KLHL29: variants seen among roughly 807,000 people sequenced by gnomAD.
KLHL29 encodes the protein kelch like family member 29, also known as kelch-like protein 29.
KLHL29 carries 21 observed loss-of-function variants against 80.4 expected under a neutral mutation model. That is an observed-to-expected ratio of 0.26 (90% CI 0.19 to 0.38). The LOEUF (loss-of-function observed/expected upper bound fraction) is 0.38, where lower values mean the gene tolerates loss of function less well. KLHL29 is among the 10% of genes least tolerant of loss of function. The pLI, the probability that KLHL29 is intolerant of heterozygous loss-of-function variation, is 1.00. For synonymous variants in KLHL29, 511 were observed against 526.8 expected (o/e 0.97, Z 0.41); for missense variants, 867 against 1,223.9 (o/e 0.71, Z 4.35).
intron 3 of KLHL29, among the ~76,000 whole-genome samples, chr2:23,583,027 G>A (rs1572416534): frequency 1.3e-5 from 2 of 152,160 alleles, no homozygotes; most frequent in East Asian, 1.9e-4. Flanking sequence ...ACGTGAAGAC[G>A]GAGCAGAGAT....
At position 23,487,667 on chromosome 2, in the gene KLHL29, C is replaced by T. The variant is rs572115456; in HGVS notation, c.-46+12000C>T. Among the ~76,000 whole-genome samples the T allele has an allele frequency of 7.2e-4, 110 of 152,308 alleles. 1 individual carries two copies. Among genetic ancestry groups the T allele is most frequent in the African/African-American group, 2.6e-3 (107 of 41,576 alleles). Reference sequence around the variant, plus strand: ...GGTCCTCAGGGGTGTCCCACTCCCCCTGCTAAAAGGCTGCATTCTTTTTTC... The same window carrying T: ...GGTCCTCAGGGGTGTCCCACTCCCCTTGCTAAAAGGCTGCATTCTTTTTTC... On this transcript the variant is annotated intron_variant, in intron 2 of 13. Transcript: ENST00000486442.
At chr2:23,443,741 G>A (rs1663597687) in intron 1 of KLHL29, among the ~76,000 whole-genome samples, 2 of 152,218 alleles carry the variant, frequency 1.3e-5, no homozygotes, top group African/African-American at 4.8e-5. Flanking sequence ...AGCACATAAT[G>A]TCAGGTGTCC....
At chr2:23,663,502 C>A (rs753792927) in intron 5 of KLHL29, among the ~76,000 whole-genome samples, 4 of 152,220 alleles carry the variant, frequency 2.6e-5, no homozygotes, top group Non-Finnish European at 4.4e-5. Context: ...CTGCGAGCGC[C>A]TATTTGCATA....
At chr2:23,481,204 T>C (rs1462320068) in intron 2 of KLHL29, among the ~76,000 whole-genome samples, 1 of 152,152 alleles carries the variant, frequency 6.6e-6, no homozygotes, top group Non-Finnish European at 1.5e-5. Flanking sequence ...TTCTGATGGG[T>C]GTGGCCAAGG....
intron 2 of KLHL29, among the ~76,000 whole-genome samples, chr2:23,526,663 C>T (rs1430561309): frequency 1.3e-5 from 2 of 152,174 alleles, no homozygotes; most frequent in Non-Finnish European, 2.9e-5. Context: ...CAGAGCAGCA[C>T]CTTTGTGGCC....
At chr2:23,629,018 C>T (rs577601453) in intron 3 of KLHL29, among the ~76,000 whole-genome samples, 4 of 152,346 alleles carry the variant, frequency 2.6e-5, no homozygotes, top group African/African-American at 7.2e-5. Context: ...GAGAGGGTCA[C>T]CGTGCTCAGG....
At chr2:23,412,862 C>T (rs2103396261) in intron 1 of KLHL29, among the ~76,000 whole-genome samples, 1 of 152,258 alleles carries the variant, frequency 6.6e-6, no homozygotes, top group Non-Finnish European at 1.5e-5. Context: ...ATGGCTGGTT[C>T]AGCAGCGCAG....
chr2:23,418,911 A>G (rs1662691687), intron 1 of KLHL29, among the ~76,000 whole-genome samples: 1 of 152,120 alleles, frequency 6.6e-6, no homozygotes, highest in African/African-American at 2.4e-5. Context: ...GGCTTGACTT[A>G]TTGGCACATG....
chr2:23,447,651 G>A (rs72776756), intron 1 of KLHL29, among the ~76,000 whole-genome samples: 3,947 of 152,156 alleles, frequency 0.026, 70 homozygotes, highest in Non-Finnish European at 0.036. Context: ...TGTCTAAACC[G>A]TTATTGTGTC....
At chr2:23,570,423 C>T (rs555885831) in intron 3 of KLHL29, among the ~76,000 whole-genome samples, 2 of 152,366 alleles carry the variant, frequency 1.3e-5, no homozygotes, top group Admixed American at 6.5e-5. Flanking sequence ...CTGTTCGTTG[C>T]AGTCCCTTAA....
chr2:23,534,847 A>G (rs1666616315), intron 2 of KLHL29, among the ~76,000 whole-genome samples: 1 of 152,226 alleles, frequency 6.6e-6, no homozygotes. Flanking sequence ...AGCTGAGGGC[A>G]TCTTGGATTT....
chr2:23,667,794 G>A (rs1247915334), intron 5 of KLHL29: 1 of 152,458 alleles, frequency 6.6e-6, no homozygotes, highest in African/African-American at 2.4e-5. Flanking sequence ...TCTCCTTCGA[G>A]GTGACTTCCA....
chr2:23,699,401 G>T (rs932556195), intron 11 of KLHL29, among the ~76,000 whole-genome samples: 1 of 152,202 alleles, frequency 6.6e-6, no homozygotes, highest in Non-Finnish European at 1.5e-5. Flanking sequence ...TCCCCTGCTG[G>T]GAGGGCCTAA....
At chr2:23,665,414 A>G (rs1407572781) in intron 5 of KLHL29, among the ~76,000 whole-genome samples, 1 of 152,140 alleles carries the variant, frequency 6.6e-6, no homozygotes, top group East Asian at 1.9e-4. Flanking sequence ...TTCAAATTCC[A>G]TCATGGCCTG....
chr2:23,608,838 CTG>C (rs933519082), intron 3 of KLHL29, among the ~76,000 whole-genome samples: 3 of 152,178 alleles, frequency 2.0e-5, no homozygotes, highest in African/African-American at 7.2e-5. Context: ...CTTATATGCT[CTG>C]TTTTATCACC....
chr2:23,595,813 A>G (rs775468313), intron 3 of KLHL29, among the ~76,000 whole-genome samples: 4 of 152,118 alleles, frequency 2.6e-5, no homozygotes, highest in Non-Finnish European at 4.4e-5. Flanking sequence ...CTGTCTCTCC[A>G]CCAGGATCCC....
chr2:23,578,799 T>C lies in KLHL29; in HGVS notation c.285+16318T>C, dbSNP rs535548944. ...ATTTCTTTTCCACGGTCGTATATTC[T>C]CATTTCAGAGGAGCCCCGTGGCTGC... On this transcript the variant is annotated intron_variant, in intron 3 of 13. Transcript: ENST00000486442. 4.6e-5 allele frequency among the ~76,000 whole-genome samples: 7 copies of C among 152,358 alleles called. No individual in the cohort carries two copies. In the South Asian group the frequency reaches 1.4e-3, roughly 32 times the overall value.
intron 1 of KLHL29, among the ~76,000 whole-genome samples, chr2:23,469,537 G>T (rs1664438913): frequency 6.6e-6 from 1 of 152,182 alleles, no homozygotes; most frequent in South Asian, 2.1e-4. Context: ...CATCTGGGAA[G>T]GAATTATTGC....
intron 11 of KLHL29, chr2:23,697,676 G>C (rs541411531): frequency 3.9e-5 from 6 of 152,274 alleles, no homozygotes; most frequent in African/African-American, 1.4e-4. Flanking sequence ...CCCCCAAGTA[G>C]AGCCCAGAGA....
Sources: allele counts gnomAD v4.1 joint callset (sites outside exome capture counted in the v4.1 genomes callset), GRCh38; gene constraint gnomAD v4.1.1; transcripts MANE v1.5; gene names NCBI Gene and HGNC (gene_info 2026-07-23, HGNC 2026-07-21).